ATP6V1C1: variants seen among roughly 807,000 people sequenced by gnomAD.
The protein encoded by ATP6V1C1 is ATPase H+ transporting V1 subunit C1.
Under a neutral mutation model 53.9 loss-of-function variants are expected in ATP6V1C1, and 45 were observed. The ratio of observed to expected loss-of-function variants is 0.83; its 90% CI spans 0.66 to 1.07. The LOEUF (loss-of-function observed/expected upper bound fraction) is 1.07. Among genes scored for constraint, ATP6V1C1 ranks in the 50% least tolerant of loss-of-function variants. The probability of loss-of-function intolerance (pLI) is 0.00; values close to 1 mark genes in which losing one functional copy is unlikely to be tolerated. For synonymous variants in ATP6V1C1, 153 were observed against 155.2 expected (o/e 0.99, Z 0.11); for missense variants, 315 against 440.3 (o/e 0.72, Z 2.55).
intron 3 of ATP6V1C1, 108 bp from the exon 4 acceptor site, chr8:103,048,759 TATA>T (rs528095330): frequency 4.2e-5 from 35 of 837,900 alleles, no homozygotes; most frequent in Admixed American, 9.1e-5. Context: ...TATGGATAGG[TATA>T]ATGGGAACAT....
chr8:103,068,725 G>T lies in ATP6V1C1; in HGVS notation c.1127G>T (p.Cys376Phe). 6.2e-7 allele frequency: 1 copy of T among 1,608,546 alleles called. No individual in the cohort carries two copies. The highest frequency in any genetic ancestry group is 2.2e-5 in the East Asian group (1 of 44,478). The change falls in exon 13 of 13, where the codon TGC becomes TTC. Residue 376 changes from cysteine to phenylalanine, a missense_variant. Cys to Phe is a radical substitution (Grantham distance 205). Transcript: ENST00000518738. ...YYPYVYYKIDCNLLEFK is the reference protein window; with the variant it reads ...YYPYVYYKIDFNLLEFK ...CCCTATGTGTACTACAAGATTGATT[G>T]CAACTTGCTGGAATTCAAGTGAAAA...
intron 8 of ATP6V1C1, among the ~76,000 whole-genome samples, chr8:103,057,764 G>A (rs11985421): frequency 0.022 from 3,365 of 152,172 alleles, 133 homozygotes; most frequent in African/African-American, 0.077. Context: ...ACAAGATAAT[G>A]TTACTGTATT....
chr8:103,068,297 A>G (rs1284365796), intron 12 of ATP6V1C1, among the ~76,000 whole-genome samples: 3 of 152,204 alleles, frequency 2.0e-5, no homozygotes, highest in Admixed American at 6.5e-5. Context: ...TTTTTACTCC[A>G]TATTTTGTAA....
intron 1 of ATP6V1C1, among the ~76,000 whole-genome samples, chr8:103,022,516 G>A (rs1159820381): frequency 6.6e-6 from 1 of 151,914 alleles, no homozygotes; most frequent in Non-Finnish European, 1.5e-5. Context: ...CAGAGGGGAT[G>A]GATTTTAAAA....
intron 4 of ATP6V1C1, 93 bp from the exon 5 acceptor site, chr8:103,050,957 A>C: frequency 2.4e-6 from 2 of 822,740 alleles, no homozygotes; most frequent in Non-Finnish European, 3.9e-6. Context: ...TGATTTCCTC[A>C]ATGCCAATTT....
At chr8:103,065,059 A>G (rs950364567) in intron 11 of ATP6V1C1, among the ~76,000 whole-genome samples, 2 of 152,230 alleles carry the variant, frequency 1.3e-5, no homozygotes, top group African/African-American at 2.4e-5. Context: ...TTGTGTAGGT[A>G]CTTAAAAGTA....
Position 103,050,563 on chromosome 8 carries a change from C to T in ATP6V1C1, c.287-487C>T, listed in dbSNP as rs1019511710. ...TTTTTTTAGCTCTACATGTTTTATT[C>T]TTTCCATTTGAAAGTGAAAGGGTCC... On this transcript the variant is annotated intron_variant, in intron 4 of 12. Coordinates refer to ENST00000518738, the MANE Select transcript of ATP6V1C1 (RefSeq NM_001695.5). Among the ~76,000 whole-genome samples the T allele has an allele frequency of 7.2e-5, 11 of 152,172 alleles. No individual in the cohort carries two copies. In the East Asian group the frequency reaches 7.7e-4, roughly 11 times the overall value.
chr8:103,051,827 C>T (rs1476792227), intron 5 of ATP6V1C1, among the ~76,000 whole-genome samples: 1 of 151,986 alleles, frequency 6.6e-6, no homozygotes, highest in Non-Finnish European at 1.5e-5. Flanking sequence ...TAGACAAGGA[C>T]CTGTTAATTG....
intron 1 of ATP6V1C1, among the ~76,000 whole-genome samples, chr8:103,031,924 A>G (rs1299702424): frequency 6.6e-6 from 1 of 152,204 alleles, no homozygotes. Context: ...CAAGAAACTC[A>G]ACAAACTCGA....
intron 1 of ATP6V1C1, among the ~76,000 whole-genome samples, chr8:103,035,665 A>G (rs1300248919): frequency 6.6e-6 from 1 of 152,138 alleles, no homozygotes. Context: ...GTCTAGGTAC[A>G]TTATTTTATT....
In ATP6V1C1 at chr8:103,062,948, TCCA is replaced by T; in HGVS notation, c.642-6_642-4del. The T allele has an allele frequency of 1.2e-6, 2 of 1,609,950 alleles. No individual in the cohort carries two copies. The highest frequency in any genetic ancestry group is 3.4e-5 in the Admixed American group (2 of 59,374). On this transcript the variant is annotated splice_polypyrimidine_tract_variant and splice_region_variant and intron_variant, in intron 8 of 12. Coordinates refer to ENST00000518738, the MANE Select transcript of ATP6V1C1 (RefSeq NM_001695.5). ...AATCTTTAAATGGACTTTTTTTTTT[TCCA>T]TAGTGTTCTTTCAGAGGACCAAGAC...
Position 103,051,141 on chromosome 8 carries a change from C to T in ATP6V1C1, c.378C>T (p.Ala126=). Residue 126 remains alanine (A), a synonymous_variant, in exon 5 of 13, where the codon GCC becomes GCT. Coordinates refer to ENST00000518738, the MANE Select transcript of ATP6V1C1 (RefSeq NM_001695.5). ...QSLKNISEII[A]KGVTQIDNDL... The stretch of plus-strand genomic sequence containing the variant: ...TGAAAAATATTTCTGAAATAATTGC[C>T]AAGGTAAGATAATACTTGAGACAAG... 6.3e-7 allele frequency: 1 copy of T among 1,593,888 alleles called. No homozygotes were observed. Among genetic ancestry groups the T allele is most frequent in the Non-Finnish European group, 8.6e-7 (1 of 1,164,022 alleles).
At chr8:103,037,787 T>G (rs917179531) in intron 1 of ATP6V1C1, among the ~76,000 whole-genome samples, 1 of 152,234 alleles carries the variant, frequency 6.6e-6, no homozygotes, top group Admixed American at 6.5e-5. Flanking sequence ...TTAGCAAGTA[T>G]GAATATTTTG....
chr8:103,045,938 T>C (rs373531386), intron 3 of ATP6V1C1, among the ~76,000 whole-genome samples: 6 of 149,402 alleles, frequency 4.0e-5, no homozygotes, highest in African/African-American at 1.5e-4. Flanking sequence ...GTGACTCCGT[T>C]TCAAAAAAAA....
Position 103,063,177 on chromosome 8 carries a change from A to G in ATP6V1C1, c.777A>G (p.Lys259=), listed in dbSNP as rs140348518. The change falls in exon 10 of 13, where the codon AAA becomes AAG. Residue 259 remains lysine (K), a synonymous_variant. Coordinates refer to ENST00000518738, the MANE Select transcript of ATP6V1C1 (RefSeq NM_001695.5). ...TCCAGTATAATGAAGAGGAGATGAAAGCAGATAAAGAAGAAATGAACAGGC... is the reference window on the plus strand; with the variant it reads ...TCCAGTATAATGAAGAGGAGATGAAGGCAGATAAAGAAGAAATGAACAGGC... ...RDFQYNEEEM[K]ADKEEMNRLS... 1.8e-5 allele frequency: 29 copies of G among 1,612,944 alleles called. No homozygotes were observed. The African/African-American group carries it at 2.5e-4, about 14-fold the overall frequency.
In ATP6V1C1 at chr8:103,068,854, T is replaced by A; in HGVS notation, c.*107T>A. 1.1e-6 allele frequency: 1 copy of A among 873,700 alleles called. No individual in the cohort carries two copies. Among genetic ancestry groups the A allele is most frequent in the Non-Finnish European group, 1.7e-6 (1 of 602,408 alleles). The allele number at this position is 873,700 out of a possible 1,614,324, so 54.1% of individuals were successfully genotyped here. Reference sequence around the variant, plus strand: ...ACTCTAGTATCCTTTGCTTGCTTCTTACGCCCTTTCCTAGGTGAATTCTCC... The same window carrying A: ...ACTCTAGTATCCTTTGCTTGCTTCTAACGCCCTTTCCTAGGTGAATTCTCC... On this transcript the variant is annotated 3_prime_UTR_variant, in exon 13 of 13. Transcript: ENST00000518738.
At chr8:103,039,136 C>T (rs1816949817) in intron 1 of ATP6V1C1, among the ~76,000 whole-genome samples, 1 of 152,206 alleles carries the variant, frequency 6.6e-6, no homozygotes, top group African/African-American at 2.4e-5. Flanking sequence ...CCAGGTTTAA[C>T]CTGCATTTCT....
rs145481008 is a variant in ATP6V1C1 at position 103,051,166 on chromosome 8, G to A, written c.381+22G>A. The A allele has an allele frequency of 2.7e-4, 405 of 1,514,088 alleles. 3 individuals are homozygous for A. In the East Asian group the frequency reaches 7.7e-3, roughly 29 times the overall value. 93.8% of individuals were successfully genotyped at this position (1,514,088 alleles called of 1,614,324 possible). A position where few individuals can be genotyped will look rare whatever the true frequency, so the allele number is the denominator to read the frequency against. ...CAAGGTAAGATAATACTTGAGACAA[G>A]TAGGACACATTGATTTGTAGTGGCT... On this transcript the variant is annotated intron_variant, in intron 5 of 12. Transcript: ENST00000518738.
At chr8:103,028,005 A>C (rs774140625) in intron 1 of ATP6V1C1, among the ~76,000 whole-genome samples, 15 of 152,188 alleles carry the variant, frequency 9.9e-5, no homozygotes, top group Non-Finnish European at 2.2e-4. Flanking sequence ...TTGTGAGATG[A>C]ATAAGAGCTT....
Sources: gnomAD v4.1 joint callset for allele counts (sites outside exome capture counted in the v4.1 genomes callset) on GRCh38, gnomAD v4.1.1 for gene constraint, MANE v1.5 for transcripts, NCBI Gene and HGNC (gene_info 2026-07-23, HGNC 2026-07-21) for gene names.